Variants in STARD13 observed in about 807,000 individuals in gnomAD.
STARD13 encodes the protein StAR related lipid transfer domain containing 13, also known as stAR-related lipid transfer protein 13.
STARD13 carries 62 observed loss-of-function variants against 106.4 expected under a neutral mutation model. The ratio of observed to expected loss-of-function variants is 0.58; its 90% CI spans 0.48 to 0.72. STARD13 has a LOEUF of 0.72. STARD13 is among the 30% of genes least tolerant of loss of function. The pLI, the probability that STARD13 is intolerant of heterozygous loss-of-function variation, is 0.00. For missense variants in STARD13, 1,387 were observed against 1,424.0 expected (o/e 0.97, Z 0.42); for synonymous variants, 565 against 553.0 (o/e 1.02, Z -0.31).
At chr13:33,672,099 A>T in the STARD13 span, among the ~76,000 whole-genome samples, 1 of 152,128 alleles carries the variant, frequency 6.6e-6, no homozygotes, top group Non-Finnish European at 1.5e-5. Context: ...TCACAATATC[A>T]AAGACTTGGA....
chr13:33,246,826 C>A (rs1889844749), intron 1 of STARD13, among the ~76,000 whole-genome samples: 1 of 152,030 alleles, frequency 6.6e-6, no homozygotes, highest in African/African-American at 2.4e-5. Context: ...GGAAGAAGAC[C>A]TTGAAGGATG....
chr13:33,531,203 CT>C, the STARD13 span, among the ~76,000 whole-genome samples: 1 of 152,166 alleles, frequency 6.6e-6, no homozygotes, highest in Non-Finnish European at 1.5e-5. Context: ...ATGGTGAGGC[CT>C]CCTCACCCAG....
the STARD13 span, among the ~76,000 whole-genome samples, chr13:33,424,123 A>G: frequency 6.6e-6 from 1 of 151,980 alleles, no homozygotes; most frequent in Non-Finnish European, 1.5e-5. Context: ...AAAAATCTGT[A>G]ACAAAAAAAA....
At chr13:33,278,083 C>G (rs1891549015) in intron 1 of STARD13, among the ~76,000 whole-genome samples, 1 of 152,136 alleles carries the variant, frequency 6.6e-6, no homozygotes, top group Non-Finnish European at 1.5e-5. Context: ...ATCAGCATTT[C>G]CAAAATGTGT....
chr13:33,322,896 G>T (rs1189325243), intron 1 of STARD13, among the ~76,000 whole-genome samples: 5 of 152,128 alleles, frequency 3.3e-5, no homozygotes, highest in African/African-American at 1.2e-4. Context: ...ATTAAAATTG[G>T]CAGGGCATTA....
intron 3 of STARD13, among the ~76,000 whole-genome samples, chr13:33,163,744 T>TATATAA (rs1566039023): frequency 2.4e-4 from 27 of 113,474 alleles, no homozygotes; most frequent in Non-Finnish European, 4.8e-4. Context: ...CATATATATA[T>TATATAA]AACATATATA....
chr13:33,453,867 C>T, the STARD13 span, among the ~76,000 whole-genome samples: 1 of 152,170 alleles, frequency 6.6e-6, no homozygotes, highest in Non-Finnish European at 1.5e-5. Context: ...CTTGCAACTT[C>T]TGCACAAAGG....
At chr13:33,670,069 T>C in the STARD13 span, among the ~76,000 whole-genome samples, 3 of 152,184 alleles carry the variant, frequency 2.0e-5, no homozygotes, top group Non-Finnish European at 4.4e-5. Context: ...ACCTTCTGGA[T>C]TGGCTGATCA....
chr13:33,165,280 T>C lies in STARD13; in HGVS notation c.323+57A>G, dbSNP rs889394531. 17 of 1,298,318 alleles carry C rather than the reference T, an allele frequency of 1.3e-5. No individual in the cohort carries two copies. In the Admixed American group the frequency reaches 2.2e-4, roughly 17 times the overall value. The allele number at this position is 1,298,318 out of a possible 1,614,324, so 80.4% of individuals were successfully genotyped here. ...TAGCTGAGCTCGCCCTTCAGTATAG[T>C]GATGCCTGTTGCAGACTGAACAGTG... On this transcript the variant is annotated intron_variant, in intron 3 of 13. Coordinates refer to ENST00000336934, the MANE Select transcript of STARD13 (RefSeq NM_178006.4).
intron 7 of STARD13, among the ~76,000 whole-genome samples, chr13:33,122,995 G>T (rs942488143): frequency 1.4e-5 from 2 of 140,092 alleles, no homozygotes. Flanking sequence ...GGCGGAGGTT[G>T]CAGTGAGCTG....
chr13:33,602,478 G>A, the STARD13 span, among the ~76,000 whole-genome samples: 2 of 152,206 alleles, frequency 1.3e-5, no homozygotes, highest in Non-Finnish European at 2.9e-5. Context: ...GAAAGCCAGA[G>A]CACATAGATA....
chr13:33,146,361 G>A (rs1010929168), intron 3 of STARD13, among the ~76,000 whole-genome samples: 10 of 152,102 alleles, frequency 6.6e-5, no homozygotes, highest in African/African-American at 2.4e-4. Context: ...GCACGTGCCT[G>A]TAGTCCTAGC....
intron 1 of STARD13, among the ~76,000 whole-genome samples, chr13:33,212,185 C>A (rs527886749): frequency 1.3e-5 from 2 of 152,162 alleles, no homozygotes; most frequent in Admixed American, 6.5e-5. Flanking sequence ...CTGAAGCTGA[C>A]AGATTTGTCC....
chr13:33,393,199 C>T, the STARD13 span, among the ~76,000 whole-genome samples: 5 of 152,166 alleles, frequency 3.3e-5, no homozygotes, highest in South Asian at 2.1e-4. Flanking sequence ...TGAAGCATTG[C>T]TCACCTAACA....
At chr13:33,154,238 G>A (rs1881670843) in intron 3 of STARD13, among the ~76,000 whole-genome samples, 1 of 152,268 alleles carries the variant, frequency 6.6e-6, no homozygotes, top group East Asian at 1.9e-4. Flanking sequence ...TGGTGTCACC[G>A]TGCCACTACG....
the STARD13 span, among the ~76,000 whole-genome samples, chr13:33,526,596 GGGT>G: frequency 6.6e-6 from 1 of 152,010 alleles, no homozygotes; most frequent in Non-Finnish European, 1.5e-5. Context: ...CTAGAGTTCT[GGGT>G]TCAAAGCCAG....
chr13:33,316,819 T>G (rs1380686856), intron 1 of STARD13, among the ~76,000 whole-genome samples: 1 of 152,232 alleles, frequency 6.6e-6, no homozygotes, highest in Non-Finnish European at 1.5e-5. Flanking sequence ...CCACCGTTCA[T>G]CAGGCATTTG....
chr13:33,220,206 T>C (rs1025474691), intron 1 of STARD13, among the ~76,000 whole-genome samples: 3 of 152,126 alleles, frequency 2.0e-5, no homozygotes, highest in African/African-American at 4.8e-5. Flanking sequence ...CTAGCTGATA[T>C]AGCAAACTGA....
At chr13:33,503,472 T>C in the STARD13 span, among the ~76,000 whole-genome samples, 1 of 152,226 alleles carries the variant, frequency 6.6e-6, no homozygotes, top group African/African-American at 2.4e-5. Flanking sequence ...AATTGTGATG[T>C]TAAGGTGTCA....
Sources: allele counts gnomAD v4.1 joint callset (sites outside exome capture counted in the v4.1 genomes callset), GRCh38; gene constraint gnomAD v4.1.1; transcripts MANE v1.5; gene names NCBI Gene and HGNC (gene_info 2026-07-23, HGNC 2026-07-21).